The following PPP1R12B variants were observed in gnomAD, a reference collection of about 807,000 sequenced individuals.
PPP1R12B encodes protein phosphatase 1 regulatory subunit 12B, also known as myosin phosphatase target subunit 2.
In PPP1R12B, 76 loss-of-function variants were observed where a neutral mutation model predicts 126.1. That is an observed-to-expected ratio of 0.60 (90% CI 0.50 to 0.73). The LOEUF (loss-of-function observed/expected upper bound fraction) is 0.73. PPP1R12B is among the 30% of genes least tolerant of loss of function. The pLI is 0.00. For synonymous variants in PPP1R12B, 356 were observed against 434.7 expected, an observed-to-expected ratio of 0.82 and a Z score of 2.25; for missense variants, 1,052 against 1,205.1, an observed-to-expected ratio of 0.87 and a Z score of 1.88.
intron 18 of PPP1R12B, among the ~76,000 whole-genome samples, chr1:202,516,421 A>G (rs561538542): frequency 6.6e-6 from 1 of 152,332 alleles, no homozygotes; most frequent in Non-Finnish European, 1.5e-5. Flanking sequence ...TGAGAGCTGA[A>G]GAGTATCTCG....
At position 202,428,900 on chromosome 1, in the gene PPP1R12B, T is replaced by C. The variant is rs934145947; in HGVS notation, c.892T>C (p.Leu298=). The C allele has an allele frequency of 9.3e-6, 15 of 1,608,242 alleles. No individual in the cohort carries two copies. The highest frequency in any genetic ancestry group is 1.2e-5 in the Non-Finnish European group (14 of 1,177,870). ...GGCTGATGAGGGTCTCGTGGAGCAT[T>C]TGGAGTTGCTCCAGAAGAAGCAGAA... ...DVADEGLVEH[L]ELLQKKQNVL... is the part of the protein sequence containing the mutation. Residue 298 remains leucine (L), a synonymous_variant, in exon 6 of 24, where the codon TTG becomes CTG. Transcript: ENST00000608999.
At chr1:202,567,913 G>C in intron 22 of PPP1R12B, 82 bp downstream of exon 22, 1 of 1,508,214 alleles carries the variant, frequency 6.6e-7, no homozygotes, top group Non-Finnish European at 9.1e-7. Context: ...CATGCCAATG[G>C]AAAAAGTCCA....
intron 18 of PPP1R12B, among the ~76,000 whole-genome samples, chr1:202,528,946 C>T (rs1435071771): frequency 2.6e-5 from 4 of 151,856 alleles, no homozygotes; most frequent in East Asian, 1.9e-4. Flanking sequence ...AAATCTCTCC[C>T]GACAGAACCT....
intron 13 of PPP1R12B, among the ~76,000 whole-genome samples, chr1:202,465,833 A>G (rs1674903949): frequency 1.3e-5 from 2 of 152,348 alleles, no homozygotes; most frequent in African/African-American, 4.8e-5. Flanking sequence ...TATGATTCAC[A>G]GTCCTTGCGC....
At chr1:202,541,014 T>C (rs1324650179) in intron 18 of PPP1R12B, among the ~76,000 whole-genome samples, 1 of 152,232 alleles carries the variant, frequency 6.6e-6, no homozygotes, top group Non-Finnish European at 1.5e-5. Context: ...TGTCTTCCTC[T>C]GTGGGAAGCT....
At chr1:202,456,806 T>C (rs1673700716) in intron 13 of PPP1R12B, among the ~76,000 whole-genome samples, 1 of 152,148 alleles carries the variant, frequency 6.6e-6, no homozygotes, top group African/African-American at 2.4e-5. Context: ...TCTGGGGCCC[T>C]GGCACAAGTA....
intron 12 of PPP1R12B, among the ~76,000 whole-genome samples, chr1:202,443,590 G>A (rs1671892217): frequency 1.3e-5 from 2 of 152,248 alleles, no homozygotes; most frequent in Admixed American, 6.5e-5. Context: ...AAGTATGAAA[G>A]TTTGATGATC....
chr1:202,589,870 T>C lies in PPP1R12B; in HGVS notation c.*9310T>C, dbSNP rs1449564470. 6.6e-6 allele frequency: 1 copy of C among 152,260 alleles called. No homozygotes were observed. Among genetic ancestry groups the C allele is most frequent in the Non-Finnish European group, 1.5e-5 (1 of 68,120 alleles). 9.4% of individuals were successfully genotyped at this position (152,260 alleles called of 1,614,324 possible). A position where few individuals can be genotyped will look rare whatever the true frequency, so the allele number is the denominator to read the frequency against. ...ACTGCCCCCATGCCTTTGGACCTGA[T>C]GGACAAGCACACATCTAGCCAACGG... On this transcript the variant is annotated 3_prime_UTR_variant, in exon 24 of 24. Transcript: ENST00000608999.
intron 1 of PPP1R12B, among the ~76,000 whole-genome samples, chr1:202,377,460 G>C (rs1398426844): frequency 6.6e-6 from 1 of 151,658 alleles, no homozygotes; most frequent in Non-Finnish European, 1.5e-5. Context: ...CCGCCACCAC[G>C]CCCGGCTAAT....
intron 1 of PPP1R12B, among the ~76,000 whole-genome samples, chr1:202,350,865 C>T (rs1655832177): frequency 6.6e-6 from 1 of 152,122 alleles, no homozygotes. Flanking sequence ...AGGAGATCCA[C>T]CCTCCTTGGC....
intron 1 of PPP1R12B, among the ~76,000 whole-genome samples, chr1:202,372,112 C>T (rs1295252003): frequency 6.6e-5 from 10 of 152,100 alleles, no homozygotes; most frequent in Non-Finnish European, 1.0e-4. Context: ...CTCAGGTGAT[C>T]TACCCACCTC....
intron 1 of PPP1R12B, among the ~76,000 whole-genome samples, chr1:202,351,630 C>T (rs1291175628): frequency 6.6e-6 from 1 of 152,222 alleles, no homozygotes; most frequent in Non-Finnish European, 1.5e-5. Flanking sequence ...ACAATGGATT[C>T]ACCTTCTGTG....
intron 13 of PPP1R12B, chr1:202,473,813 G>A (rs1676260402): frequency 2.2e-6 from 1 of 462,058 alleles, no homozygotes; most frequent in Admixed American, 2.4e-5. Context: ...TATAGCAGTG[G>A]CAGTGCAAGC....
At chr1:202,462,749 G>C in intron 13 of PPP1R12B, 1 of 979,010 alleles carries the variant, frequency 1.0e-6, no homozygotes, top group South Asian at 4.7e-5. Flanking sequence ...GACAGTTGCT[G>C]GTACAATCTC....
intron 18 of PPP1R12B, among the ~76,000 whole-genome samples, chr1:202,512,730 G>C (rs1237558618): frequency 6.6e-6 from 1 of 152,072 alleles, no homozygotes; most frequent in African/African-American, 2.4e-5. Context: ...TCCCATCTTT[G>C]AGCTTTCATA....
chr1:202,371,530 T>G (rs1350512691), intron 1 of PPP1R12B, among the ~76,000 whole-genome samples: 1 of 152,076 alleles, frequency 6.6e-6, no homozygotes, highest in East Asian at 1.9e-4. Flanking sequence ...ACATTAAATT[T>G]GCTTTTTGTT....
At chr1:202,545,297 A>G (rs1252444819) in intron 18 of PPP1R12B, among the ~76,000 whole-genome samples, 1 of 152,242 alleles carries the variant, frequency 6.6e-6, no homozygotes, top group Non-Finnish European at 1.5e-5. Flanking sequence ...CTGTGGGAAT[A>G]AAAGTAGCTT....
chr1:202,548,808 C>CTCTCTCTCTCTA (rs1218548068), intron 18 of PPP1R12B, among the ~76,000 whole-genome samples: 5 of 72,970 alleles, frequency 6.9e-5, no homozygotes, highest in African/African-American at 1.4e-4. Flanking sequence ...CTCTCTCTCT[C>CTCTCTCTCTCTA]TATATATATA....
At chr1:202,380,902 G>A (rs1323668591) in intron 1 of PPP1R12B, among the ~76,000 whole-genome samples, 1 of 152,132 alleles carries the variant, frequency 6.6e-6, no homozygotes, top group Non-Finnish European at 1.5e-5. Flanking sequence ...GTGTTCATGC[G>A]GTTGTTAGGG....
Sources: allele counts gnomAD v4.1 joint callset (sites outside exome capture counted in the v4.1 genomes callset), GRCh38; gene constraint gnomAD v4.1.1; transcripts MANE v1.5; gene names NCBI Gene and HGNC (gene_info 2026-07-23, HGNC 2026-07-21).